XKR4: variants seen among roughly 807,000 people sequenced by gnomAD.
XKR4 encodes the protein XK-related protein 4.
In XKR4, 12 loss-of-function variants were observed where a neutral mutation model predicts 53.9. The ratio of observed to expected loss-of-function variants is 0.22; its 90% CI spans 0.14 to 0.36. The LOEUF is 0.36. XKR4 is among the 10% of genes least tolerant of loss of function. The pLI is 1.00. For missense variants in XKR4, 799 were observed against 859.5 expected (o/e 0.93, Z 0.88); for synonymous variants, 354 against 362.4 (o/e 0.98, Z 0.26).
At chr8:55,124,767 G>A (rs1816439171) in intron 1 of XKR4, among the ~76,000 whole-genome samples, 1 of 152,084 alleles carries the variant, frequency 6.6e-6, no homozygotes, top group Non-Finnish European at 1.5e-5. Context: ...AGGCTGTAGA[G>A]CAGTGGCATA....
intron 2 of XKR4, among the ~76,000 whole-genome samples, chr8:55,362,446 A>G (rs1803920170): frequency 1.3e-5 from 2 of 152,200 alleles, no homozygotes; most frequent in African/African-American, 4.8e-5. Flanking sequence ...ACCTGGTGAC[A>G]ATAAAATCAA....
intron 1 of XKR4, among the ~76,000 whole-genome samples, chr8:55,127,721 T>C (rs1816492448): frequency 8.2e-6 from 1 of 122,458 alleles, no homozygotes; most frequent in African/African-American, 3.1e-5. Flanking sequence ...CCTAATGCTA[T>C]CCCTCCCCCC....
chr8:55,153,305 G>A (rs1328394747), intron 1 of XKR4, among the ~76,000 whole-genome samples: 1 of 152,206 alleles, frequency 6.6e-6, no homozygotes, highest in Admixed American at 6.5e-5. Context: ...CATTTTTGGT[G>A]TTTTTACCTT....
intron 2 of XKR4, among the ~76,000 whole-genome samples, chr8:55,436,717 G>A (rs1322934681): frequency 1.3e-5 from 2 of 152,198 alleles, no homozygotes; most frequent in South Asian, 2.1e-4. Flanking sequence ...CACCAGGCAC[G>A]GGATTCAGGG....
intron 2 of XKR4, among the ~76,000 whole-genome samples, chr8:55,520,598 A>G (rs1415608125): frequency 6.6e-6 from 1 of 152,248 alleles, no homozygotes; most frequent in Admixed American, 6.5e-5. Flanking sequence ...CATCATCATC[A>G]TCAACAAAGG....
chr8:55,173,009 A>AG (rs1817183343), intron 1 of XKR4, among the ~76,000 whole-genome samples: 1 of 152,206 alleles, frequency 6.6e-6, no homozygotes, highest in African/African-American at 2.4e-5. Flanking sequence ...TGTTGCTTGC[A>AG]CACAAATTTT....
chr8:55,450,091 T>C, intron 2 of XKR4: 1 of 715,384 alleles, frequency 1.4e-6, no homozygotes, highest in Non-Finnish European at 2.6e-6. Context: ...CTTCACGCGG[T>C]CCCAGGTGTC....
At chr8:55,212,207 G>A (rs1337609645) in intron 1 of XKR4, among the ~76,000 whole-genome samples, 2 of 151,896 alleles carry the variant, frequency 1.3e-5, no homozygotes, top group Non-Finnish European at 2.9e-5. Flanking sequence ...AGAGGCAATA[G>A]ATTGTAAATG....
chr8:55,134,449 A>G (rs1372547345), intron 1 of XKR4, among the ~76,000 whole-genome samples: 1 of 152,238 alleles, frequency 6.6e-6, no homozygotes, highest in Non-Finnish European at 1.5e-5. Context: ...TGTAAAACCT[A>G]GGAAAGGACA....
At chr8:55,415,115 C>T (rs1315629987) in intron 2 of XKR4, among the ~76,000 whole-genome samples, 1 of 152,184 alleles carries the variant, frequency 6.6e-6, no homozygotes, top group African/African-American at 2.4e-5. Flanking sequence ...AGTCTGTGAT[C>T]ATGCAGAGGA....
At chr8:55,339,873 AAAC>A (rs1014113157) in intron 1 of XKR4, among the ~76,000 whole-genome samples, 2 of 152,192 alleles carry the variant, frequency 1.3e-5, no homozygotes, top group African/African-American at 4.8e-5. Context: ...TTTCCAAAAA[AAAC>A]AACAACAAAA....
intron 2 of XKR4, among the ~76,000 whole-genome samples, chr8:55,413,192 A>C (rs1215404797): frequency 6.6e-6 from 1 of 152,174 alleles, no homozygotes; most frequent in Non-Finnish European, 1.5e-5. Context: ...TAGTTGCTCT[A>C]TTGATCCTAC....
chr8:55,406,906 A>G (rs987947383), intron 2 of XKR4, among the ~76,000 whole-genome samples: 1 of 152,200 alleles, frequency 6.6e-6, no homozygotes, highest in Admixed American at 6.5e-5. Flanking sequence ...GGGAATCATT[A>G]TTAGCTAACA....
intron 1 of XKR4, among the ~76,000 whole-genome samples, chr8:55,353,569 G>A (rs1475486897): frequency 6.6e-6 from 1 of 152,188 alleles, no homozygotes; most frequent in African/African-American, 2.4e-5. Context: ...AAATTTCTGT[G>A]ATTTAAACCA....
At chr8:55,521,353 C>A (rs1005307313) in intron 2 of XKR4, among the ~76,000 whole-genome samples, 1 of 152,172 alleles carries the variant, frequency 6.6e-6, no homozygotes, top group African/African-American at 2.4e-5. Flanking sequence ...CCTTTTATTT[C>A]GCATTTCTCT....
At chr8:55,257,766 C>T (rs1055238688) in intron 1 of XKR4, among the ~76,000 whole-genome samples, 7 of 152,208 alleles carry the variant, frequency 4.6e-5, no homozygotes, top group Non-Finnish European at 1.0e-4. Context: ...AAAGGAAACA[C>T]ATTTCCAGGG....
At chr8:55,184,317 G>A (rs1817350117) in intron 1 of XKR4, among the ~76,000 whole-genome samples, 2 of 152,188 alleles carry the variant, frequency 1.3e-5, no homozygotes, top group South Asian at 4.2e-4. Context: ...TGTAAGGGTG[G>A]GAGTGATACT....
At chr8:55,277,897 T>TA (rs999996378) in intron 1 of XKR4, among the ~76,000 whole-genome samples, 5 of 152,126 alleles carry the variant, frequency 3.3e-5, no homozygotes, top group African/African-American at 9.7e-5. Flanking sequence ...AATGTCAAAA[T>TA]AAAAAAATAT....
rs1163762529 is a variant in XKR4, at chr8:55,211,592, C to T, written c.806+108298C>T. Among the ~76,000 whole-genome samples, 5 of 152,292 alleles carry T rather than the reference C, an allele frequency of 3.3e-5. No individual in the cohort carries two copies. In the East Asian group the frequency reaches 9.6e-4, roughly 29 times the overall value. On this transcript the variant is annotated intron_variant, in intron 1 of 2. Coordinates refer to ENST00000327381, the MANE Select transcript of XKR4 (RefSeq NM_052898.2). ...ACCATAAGACAGTTTTATTTAATTA[C>T]TCCATGGGAAAGAATGTGGGCATGG...
Sources: gnomAD v4.1 joint callset for allele counts (sites outside exome capture counted in the v4.1 genomes callset) on GRCh38, gnomAD v4.1.1 for gene constraint, MANE v1.5 for transcripts, NCBI Gene and HGNC (gene_info 2026-07-23, HGNC 2026-07-21) for gene names.